Variants in MCM6 observed in about 807,000 individuals in gnomAD.
MCM6 encodes minichromosome maintenance complex component 6.
Under a neutral mutation model 94.3 loss-of-function variants are expected in MCM6, and 46 were observed. The ratio of observed to expected loss-of-function variants is 0.49; its 90% CI spans 0.39 to 0.62. MCM6 has a LOEUF of 0.62. MCM6 is among the 20% of genes least tolerant of loss of function. MCM6 has a pLI of 0.00. For synonymous variants in MCM6, 335 were observed against 351.9 expected (o/e 0.95, Z 0.54); for missense variants, 865 against 1,017.9 (o/e 0.85, Z 2.04).
intron 16 of MCM6, among the ~76,000 whole-genome samples, chr2:135,843,195 T>C (rs185692692): frequency 8.5e-5 from 13 of 152,294 alleles, no homozygotes; most frequent in South Asian, 2.1e-4. Context: ...ATTTGGCCTA[T>C]AGCAATTGAG....
At chr2:135,867,822 C>T (rs900818023) in intron 4 of MCM6, among the ~76,000 whole-genome samples, 10 of 152,002 alleles carry the variant, frequency 6.6e-5, no homozygotes, top group Admixed American at 1.3e-4. Flanking sequence ...GTCAGGAGAT[C>T]GAGACCATCC....
At chr2:135,842,787 C>CA (rs1679598238) in intron 16 of MCM6, among the ~76,000 whole-genome samples, 1 of 152,010 alleles carries the variant, frequency 6.6e-6, no homozygotes. Context: ...GGATCAAGGC[C>CA]AGTGTCACTG....
chr2:135,875,137 G>C (rs769668677), intron 1 of MCM6, among the ~76,000 whole-genome samples: 2 of 152,102 alleles, frequency 1.3e-5, no homozygotes, highest in Non-Finnish European at 2.9e-5. Flanking sequence ...AAGCCCAGGC[G>C]GGGGGATCAC....
intron 10 of MCM6, among the ~76,000 whole-genome samples, chr2:135,857,652 C>T (rs3213871): frequency 0.17 from 26,197 of 151,968 alleles, 2,772 homozygotes; most frequent in South Asian, 0.34. Context: ...TTGGAGCATG[C>T]TTTATCAAAG....
intron 6 of MCM6, among the ~76,000 whole-genome samples, chr2:135,865,547 GC>G (rs376845000): frequency 6.6e-6 from 1 of 150,406 alleles, no homozygotes; most frequent in South Asian, 2.1e-4. Context: ...GAATGATACT[GC>G]CAGGGGTTCA....
chr2:135,852,679 G>C, intron 12 of MCM6, 108 bp downstream of exon 12: 1 of 795,248 alleles, frequency 1.3e-6, no homozygotes, highest in Non-Finnish European at 1.8e-6. Flanking sequence ...GTAAAATTTA[G>C]GAACTAAGGT....
intron 2 of MCM6, 138 bp downstream of exon 2, chr2:135,872,559 T>G: frequency 1.2e-6 from 1 of 850,178 alleles, no homozygotes; most frequent in Non-Finnish European, 1.8e-6. Flanking sequence ...ACTGGCAGTA[T>G]CAAAGCGCCT....
chr2:135,845,708 T>C (rs1016681071), intron 15 of MCM6, among the ~76,000 whole-genome samples: 4 of 152,226 alleles, frequency 2.6e-5, no homozygotes, highest in Admixed American at 6.5e-5. Context: ...TAGTTAACTA[T>C]AGGGTGATAA....
At chr2:135,874,065 T>C (rs1035470153) in intron 1 of MCM6, among the ~76,000 whole-genome samples, 1 of 152,166 alleles carries the variant, frequency 6.6e-6, no homozygotes, top group Non-Finnish European at 1.5e-5. Flanking sequence ...CCACAAGCAA[T>C]GGTGAATTAA....
intron 7 of MCM6, among the ~76,000 whole-genome samples, 163 bp from the exon 8 acceptor site, chr2:135,862,911 G>A (rs1472425640): frequency 6.6e-6 from 1 of 152,204 alleles, no homozygotes; most frequent in Non-Finnish European, 1.5e-5. Flanking sequence ...CTTGGTTCTT[G>A]TTCTGTGGAC....
rs542001254 is a variant in MCM6, at chr2:135,869,775, C to T, written c.365+476G>A. Among the ~76,000 whole-genome samples, 3 of 152,130 alleles carry T rather than the reference C, an allele frequency of 2.0e-5. No homozygotes were observed. The East Asian group carries it at 5.8e-4, about 29-fold the overall frequency. ...CTTGATCAATTTTCTCCCAAATTTC[C>T]CTAAAAGGCGCCCTAAAATGTGATA... On this transcript the variant is annotated intron_variant, in intron 3 of 16. Transcript: ENST00000264156.
chr2:135,866,642 T>A lies in MCM6; in HGVS notation c.702A>T (p.Glu234Asp). The A allele has an allele frequency of 6.2e-7, 1 of 1,614,156 alleles. No homozygotes were observed. The highest frequency in any genetic ancestry group is 8.5e-7 in the Non-Finnish European group (1 of 1,179,988). The part of the protein sequence containing the change: ...LEVILRAEAV[E>D]SAQAGDKCDF... ...CACACTTGTCACCAGCTTGAGCTGA[T>A]TCCACAGCTTCAGCCCTTAAAATTA... Residue 234 changes from glutamate to aspartate, a missense_variant, in exon 5 of 17, where the codon GAA becomes GAT. This residue lies in a region of MCM6 where 404 missense variants were observed against 451.9 expected (regional missense o/e 0.89). Transcript: ENST00000264156.
At chr2:135,851,253 A>G in intron 13 of MCM6, 149 bp downstream of exon 13, 1 of 609,652 alleles carries the variant, frequency 1.6e-6, no homozygotes, top group Non-Finnish European at 2.8e-6. Context: ...CAAGCTCTTT[A>G]AAGGGAAGAA....
Position 135,866,187 on chromosome 2 carries a change from T to C in MCM6, c.872A>G (p.Asp291Gly). The C allele has an allele frequency of 6.2e-7, 1 of 1,614,070 alleles. No individual in the cohort carries two copies. Among genetic ancestry groups the C allele is most frequent in the Non-Finnish European group, 8.5e-7 (1 of 1,180,018 alleles). Residue 291 changes from aspartate to glycine, a missense_variant, in exon 6 of 17, where the codon GAC (aspartate) becomes GGC (glycine). Transcript: ENST00000264156. ...AAGAAAGACCAGCCTATAAGAAAGG[T>C]CCCTAACACCAAGGGCCCGGAGTCC... The part of the protein sequence containing the change: ...IRGLRALGVR[D>G]LSYRLVFLAC...
chr2:135,859,352 T>C lies in MCM6; in HGVS notation c.1311A>G (p.Glu437=), dbSNP rs755296467. The C allele has an allele frequency of 6.2e-7, 1 of 1,612,966 alleles. No individual in the cohort carries two copies. The highest frequency in any genetic ancestry group is 1.1e-5 in the South Asian group (1 of 91,052). The part of the protein sequence containing the change: ...AGLTAAVVRD[E]ESHEFVIEAG... The stretch of plus-strand genomic sequence containing the variant: ...CCTCAATGACAAACTCATGAGATTC[T>C]TCATCTCTCACAACAGCTGCTGTTA... The change falls in exon 9 of 17, where the codon GAA becomes GAG. Residue 437 remains glutamate, a synonymous_variant. Coordinates refer to ENST00000264156, the MANE Select transcript of MCM6 (RefSeq NM_005915.6).
chr2:135,856,380 T>A (rs957469179), intron 11 of MCM6, among the ~76,000 whole-genome samples: 2 of 152,114 alleles, frequency 1.3e-5, no homozygotes, highest in Non-Finnish European at 2.9e-5. Context: ...GAAGTGGAGG[T>A]TGCAGTAGGC....
At chr2:135,868,955 T>TA (rs1335596797) in intron 3 of MCM6, 95 bp from the exon 4 acceptor site, 3,342 of 1,192,052 alleles carry the variant, frequency 2.8e-3, no homozygotes, top group Non-Finnish European at 3.3e-3. Context: ...AATTTATGTT[T>TA]AAAAAAAAAA....
chr2:135,851,629 G>A (rs1013885509), intron 12 of MCM6, 66 bp from the exon 13 acceptor site: 1 of 1,363,970 alleles, frequency 7.3e-7, no homozygotes, highest in East Asian at 2.4e-5. Context: ...GTAAACCTAA[G>A]TTTAAGAGCC....
intron 16 of MCM6, among the ~76,000 whole-genome samples, chr2:135,843,532 A>G (rs1220586812): frequency 1.3e-5 from 2 of 152,028 alleles, no homozygotes; most frequent in Non-Finnish European, 1.5e-5. Context: ...TAGGAGTTCT[A>G]GATCAGCCTG....
Sources: gnomAD v4.1 joint callset for allele counts (sites outside exome capture counted in the v4.1 genomes callset) on GRCh38, gnomAD v4.1.1 for gene constraint, gnomAD v4.1.1 regional missense constraint, MANE v1.5 for transcripts, NCBI Gene and HGNC (gene_info 2026-07-23, HGNC 2026-07-21) for gene names.